BPIFC: variants seen among roughly 807,000 people sequenced by gnomAD.
BPIFC encodes BPI fold containing family C, also known as BPI fold-containing family C protein.
In BPIFC, 60 loss-of-function variants were observed where a neutral mutation model predicts 57.6. That is an observed-to-expected ratio of 1.04 (90% CI 0.85 to 1.29). BPIFC has a LOEUF of 1.29. Among genes scored for constraint, BPIFC ranks in the 50% most tolerant of loss-of-function variants. BPIFC has a pLI of 0.00. For synonymous variants in BPIFC, 243 were observed against 224.5 expected (o/e 1.08, Z -0.74); for missense variants, 581 against 600.5 (o/e 0.97, Z 0.34).
At chr22:32,415,859 C>A in intron 16 of BPIFC, 56 bp downstream of exon 16, 2 of 1,254,394 alleles carry the variant, frequency 1.6e-6, no homozygotes, top group South Asian at 1.5e-5. Context: ...CAGGAGGAGG[C>A]TTAGTCTACT....
chr22:32,427,456 C>T (rs1934099776), intron 13 of BPIFC, among the ~76,000 whole-genome samples: 1 of 152,160 alleles, frequency 6.6e-6, no homozygotes, highest in African/African-American at 2.4e-5. Flanking sequence ...TCTCTAGGAA[C>T]CTTCTGCCTC....
chr22:32,437,951 T>C, intron 8 of BPIFC, 100 bp from the exon 9 acceptor site: 1 of 647,112 alleles, frequency 1.5e-6, no homozygotes, highest in Non-Finnish European at 2.5e-6. Context: ...TTAAATTCTC[T>C]GTTTAAAAGA....
At position 32,464,404 on chromosome 22, in the gene BPIFC, A is replaced by T. The variant is rs1455347586; in HGVS notation, c.-119T>A. 2.0e-6 allele frequency: 2 copies of T among 985,186 alleles called. No individual in the cohort carries two copies. The highest frequency in any genetic ancestry group is 3.5e-5 in the African/African-American group (2 of 57,182). 61.0% of individuals were successfully genotyped at this position (985,186 alleles called of 1,614,324 possible). Reference sequence around the variant, plus strand: ...GCAGAGGAAGTGTCCAAAGCTGGAGAGCACCTTCGATTCTCTCTGCCTTTG... The same window carrying T: ...GCAGAGGAAGTGTCCAAAGCTGGAGTGCACCTTCGATTCTCTCTGCCTTTG... On this transcript the variant is annotated 5_prime_UTR_variant, in exon 1 of 17. Coordinates refer to ENST00000300399, the MANE Select transcript of BPIFC (RefSeq NM_174932.3).
intron 8 of BPIFC, among the ~76,000 whole-genome samples, chr22:32,440,434 G>A (rs1002178862): frequency 5.3e-5 from 8 of 152,180 alleles, no homozygotes; most frequent in Admixed American, 1.3e-4. Context: ...GAGCCACTGC[G>A]CCTGATATTT....
chr22:32,414,176 A>G lies in BPIFC; in HGVS notation c.*127T>C. On this transcript the variant is annotated 3_prime_UTR_variant, in exon 17 of 17. Coordinates refer to ENST00000300399, the MANE Select transcript of BPIFC (RefSeq NM_174932.3). ...TGGGTTCCTGAAGGCTTAAGAAAGA[A>G]AACTTTCTGCCTAAGCAATTCACAA... is the stretch of plus-strand genomic sequence containing the variant. 9.7e-6 allele frequency: 13 copies of G among 1,338,572 alleles called. No individual in the cohort carries two copies. The highest frequency in any genetic ancestry group is 1.2e-5 in the Non-Finnish European group (12 of 985,000). The allele number at this position is 1,338,572 out of a possible 1,614,324, so 82.9% of individuals were successfully genotyped here.
chr22:32,428,567 G>A (rs1311676444), intron 13 of BPIFC, among the ~76,000 whole-genome samples: 1 of 151,992 alleles, frequency 6.6e-6, no homozygotes, highest in Non-Finnish European at 1.5e-5. Context: ...TTTTCTTTCT[G>A]GGAAACCATA....
intron 4 of BPIFC, among the ~76,000 whole-genome samples, chr22:32,449,329 C>T (rs1934821669): frequency 1.3e-5 from 2 of 152,140 alleles, no homozygotes; most frequent in South Asian, 2.1e-4. Context: ...AAAATGACTT[C>T]ATTTGTGTAT....
intron 13 of BPIFC, among the ~76,000 whole-genome samples, chr22:32,423,671 C>CA (rs35855393): frequency 0.26 from 35,233 of 138,160 alleles, 4,882 homozygotes; most frequent in East Asian, 0.49. Context: ...AATGCAATGT[C>CA]AAAAAAAAAA....
intron 11 of BPIFC, among the ~76,000 whole-genome samples, chr22:32,432,935 G>C (rs1041360438): frequency 1.3e-5 from 2 of 152,172 alleles, no homozygotes; most frequent in Non-Finnish European, 2.9e-5. Flanking sequence ...GGGCACAGTG[G>C]CTCATGCCTG....
At chr22:32,419,224 GA>G (rs2145910196) in intron 14 of BPIFC, 137 bp downstream of exon 14, 1 of 878,234 alleles carries the variant, frequency 1.1e-6, no homozygotes, top group East Asian at 2.6e-5. Context: ...GCTACATAAA[GA>G]ATTTCAAAGT....
intron 3 of BPIFC, among the ~76,000 whole-genome samples, chr22:32,454,637 G>A (rs1205849279): frequency 6.6e-6 from 1 of 152,126 alleles, no homozygotes; most frequent in Non-Finnish European, 1.5e-5. Context: ...TTATTTTGCA[G>A]TTTAAGTTCC....
At chr22:32,456,834 G>A (rs182737076) in intron 3 of BPIFC, among the ~76,000 whole-genome samples, 82 of 152,194 alleles carry the variant, frequency 5.4e-4, no homozygotes, top group African/African-American at 1.9e-3. Context: ...ATATGAAGGA[G>A]CCTCTCCTCA....
At chr22:32,447,801 A>ATC (rs1236035374) in intron 4 of BPIFC, among the ~76,000 whole-genome samples, 1 of 151,532 alleles carries the variant, frequency 6.6e-6, no homozygotes, top group African/African-American at 2.4e-5. Flanking sequence ...TAGAGGCAGG[A>ATC]TCTCACTGTG....
At chr22:32,418,827 T>C (rs905173217) in intron 14 of BPIFC, among the ~76,000 whole-genome samples, 34 of 152,254 alleles carry the variant, frequency 2.2e-4, no homozygotes, top group Admixed American at 8.5e-4. Context: ...TCCTGAAGCT[T>C]GAGGGAAGGG....
intron 5 of BPIFC, among the ~76,000 whole-genome samples, chr22:32,446,480 T>C (rs1256768486): frequency 6.6e-6 from 1 of 152,214 alleles, no homozygotes; most frequent in African/African-American, 2.4e-5. Context: ...CAGCATATGG[T>C]TGATGAGTCA....
chr22:32,452,158 T>C (rs1489549032), intron 4 of BPIFC, among the ~76,000 whole-genome samples: 1 of 152,158 alleles, frequency 6.6e-6, no homozygotes, highest in Non-Finnish European at 1.5e-5. Context: ...CACCTCGGCC[T>C]CCCAAAGGGT....
rs1281638865 is a variant in BPIFC, at chr22:32,461,570, G to T, written c.-1+4C>A. 1 of 984,718 alleles carries T rather than the reference G, an allele frequency of 1.0e-6. No individual in the cohort carries two copies. Among genetic ancestry groups the T allele is most frequent in the Non-Finnish European group, 1.2e-6 (1 of 829,410 alleles). 61.0% of individuals were successfully genotyped at this position (984,718 alleles called of 1,614,324 possible). A position where few individuals can be genotyped will look rare whatever the true frequency, so the allele number is the denominator to read the frequency against. ...ATCTTAACACTCTGAATGGATGCAT[G>T]TACCTCCTGCAGGAGCTAGATCCAG... On this transcript the variant is annotated splice_donor_region_variant and intron_variant, in intron 2 of 16. Coordinates refer to ENST00000300399, the MANE Select transcript of BPIFC (RefSeq NM_174932.3).
intron 16 of BPIFC, among the ~76,000 whole-genome samples, chr22:32,415,080 C>T (rs1215579061): frequency 2.0e-5 from 3 of 152,234 alleles, no homozygotes; most frequent in African/African-American, 7.2e-5. Flanking sequence ...TGAAACTGTT[C>T]CACCTCAGAT....
chr22:32,443,759 T>C (rs1265831348), intron 7 of BPIFC, among the ~76,000 whole-genome samples: 2 of 152,200 alleles, frequency 1.3e-5, no homozygotes, highest in Admixed American at 1.3e-4. Context: ...AACATTTGCA[T>C]GGGGATGATA....
Sources: gnomAD v4.1 joint callset for allele counts (sites outside exome capture counted in the v4.1 genomes callset) on GRCh38, gnomAD v4.1.1 for gene constraint, MANE v1.5 for transcripts, NCBI Gene and HGNC (gene_info 2026-07-23, HGNC 2026-07-21) for gene names.